Variants in ATF2 observed in about 807,000 individuals in gnomAD.
The protein encoded by ATF2 is activating transcription factor 2, also known as cyclic AMP-dependent transcription factor ATF-2.
Under a neutral mutation model 60.6 loss-of-function variants are expected in ATF2, and 24 were observed. The ratio of observed to expected loss-of-function variants is 0.40; its 90% CI spans 0.29 to 0.56. The LOEUF (loss-of-function observed/expected upper bound fraction) is 0.56. ATF2 is among the 20% of genes least tolerant of loss of function. The probability of loss-of-function intolerance (pLI) is 0.54; values close to 1 mark genes in which losing one functional copy is unlikely to be tolerated. For missense variants in ATF2, 433 were observed against 607.7 expected, an observed-to-expected ratio of 0.71 and a Z score of 3.02; for synonymous variants, 206 against 215.4, an observed-to-expected ratio of 0.96 and a Z score of 0.38.
chr2:175,159,960 TTA>T (rs1699914392), intron 1 of ATF2, among the ~76,000 whole-genome samples: 1 of 152,194 alleles, frequency 6.6e-6, no homozygotes, highest in African/African-American at 2.4e-5. Context: ...CCTGAGAAAC[TTA>T]TTTTTTGTAA....
intron 11 of ATF2, among the ~76,000 whole-genome samples, chr2:175,094,900 A>AC (rs1694820061): frequency 6.6e-6 from 1 of 152,120 alleles, no homozygotes; most frequent in Admixed American, 6.6e-5. Context: ...CCATGATCGC[A>AC]CCACTGTACT....
intron 11 of ATF2, among the ~76,000 whole-genome samples, chr2:175,096,325 T>C (rs1197496201): frequency 6.6e-6 from 1 of 152,176 alleles, no homozygotes; most frequent in African/African-American, 2.4e-5. Context: ...CTAGTATAAA[T>C]AGCTGCCATA....
chr2:175,085,378 T>C (rs1694080650), intron 12 of ATF2, among the ~76,000 whole-genome samples: 1 of 151,888 alleles, frequency 6.6e-6, no homozygotes, highest in Admixed American at 6.6e-5. Flanking sequence ...CTACTAAAAA[T>C]ATAAGAATTA....
Position 175,097,508 on chromosome 2 carries a change from G to A in ATF2, c.914C>T (p.Thr305Ile), listed in dbSNP as rs139861769. 8 of 1,614,044 alleles carry A rather than the reference G, an allele frequency of 5.0e-6. No individual in the cohort carries two copies. In the African/African-American group the frequency reaches 8.0e-5, roughly 16 times the overall value. The change falls in exon 11 of 14, where the codon ACT (threonine) becomes ATT (isoleucine). Residue 305 changes from threonine to isoleucine, a missense_variant. This residue lies in a region of ATF2 where 246 missense variants were observed against 309.3 expected (regional missense o/e 0.80). Coordinates refer to ENST00000264110, the MANE Select transcript of ATF2 (RefSeq NM_001880.4). ...VKGHGSGLVR[T>I]QSEESRPQSL... ...CTGCGGTCGAGATTCCTCTGACTGA[G>A]TCCTAACCAATCCGCTACCATGACC...
At chr2:175,082,764 C>T (rs1279807846) in intron 12 of ATF2, among the ~76,000 whole-genome samples, 1 of 152,188 alleles carries the variant, frequency 6.6e-6, no homozygotes, top group African/African-American at 2.4e-5. Flanking sequence ...TTTGTCTTGA[C>T]TTACAAAAGT....
intron 7 of ATF2, among the ~76,000 whole-genome samples, chr2:175,117,069 T>C (rs1024469700): frequency 2.0e-5 from 3 of 151,998 alleles, no homozygotes; most frequent in Non-Finnish European, 4.4e-5. Context: ...TATTCACTTA[T>C]GTATTTGTAC....
At chr2:175,090,483 T>G (rs947460618) in intron 12 of ATF2, among the ~76,000 whole-genome samples, 2 of 152,100 alleles carry the variant, frequency 1.3e-5, no homozygotes, top group African/African-American at 4.8e-5. Context: ...CAGGTTAATA[T>G]AAATAGATGG....
intron 10 of ATF2, among the ~76,000 whole-genome samples, chr2:175,107,796 T>TAA (rs928165296): frequency 1.8e-4 from 28 of 152,370 alleles, no homozygotes; most frequent in African/African-American, 5.0e-4. Flanking sequence ...CTCCAGCTCC[T>TAA]AACCGCGAGT....
intron 1 of ATF2, among the ~76,000 whole-genome samples, chr2:175,155,799 A>G (rs1699632840): frequency 2.0e-5 from 3 of 152,230 alleles, no homozygotes; most frequent in Non-Finnish European, 2.9e-5. Context: ...TTTAAAACCA[A>G]TGACAGCATC....
intron 11 of ATF2, among the ~76,000 whole-genome samples, 192 bp from the exon 12 acceptor site, chr2:175,093,459 T>A (rs1021119254): frequency 1.3e-5 from 2 of 152,246 alleles, no homozygotes; most frequent in Admixed American, 6.5e-5. Context: ...TTATGAGCTA[T>A]GCTATAACAC....
At chr2:175,123,586 T>C (rs1574424464) in intron 4 of ATF2, among the ~76,000 whole-genome samples, 1 of 152,168 alleles carries the variant, frequency 6.6e-6, no homozygotes, top group Admixed American at 6.6e-5. Flanking sequence ...ATAAATAACA[T>C]TGTGTTCGTA....
At chr2:175,166,811 T>A (rs1311774888) in intron 1 of ATF2, among the ~76,000 whole-genome samples, 15 of 152,192 alleles carry the variant, frequency 9.9e-5, no homozygotes. Context: ...ATTTTAAATG[T>A]ATATCTTAAA....
At chr2:175,116,058 T>C (rs762195063) in intron 7 of ATF2, among the ~76,000 whole-genome samples, 4 of 152,126 alleles carry the variant, frequency 2.6e-5, no homozygotes, top group South Asian at 4.1e-4. Flanking sequence ...GATAGATGCG[T>C]AGACAGGCCC....
intron 12 of ATF2, among the ~76,000 whole-genome samples, chr2:175,088,455 T>A (rs1018769240): frequency 6.6e-6 from 1 of 152,150 alleles, no homozygotes; most frequent in Admixed American, 6.5e-5. Context: ...CTTTTCCACA[T>A]CATTAACTTA....
intron 3 of ATF2, among the ~76,000 whole-genome samples, chr2:175,130,596 T>A: frequency 6.6e-6 from 1 of 152,198 alleles, no homozygotes; most frequent in East Asian, 1.9e-4. Context: ...TCCAGTCCTA[T>A]ATTCTAGTGG....
intron 9 of ATF2, among the ~76,000 whole-genome samples, chr2:175,111,856 T>A (rs2105680138): frequency 6.6e-6 from 1 of 152,352 alleles, no homozygotes; most frequent in South Asian, 2.1e-4. Flanking sequence ...CTGAGACGTG[T>A]GCTTTCCTAA....
intron 2 of ATF2, among the ~76,000 whole-genome samples, chr2:175,148,250 T>C (rs1436912364): frequency 1.3e-5 from 2 of 152,102 alleles, no homozygotes; most frequent in Non-Finnish European, 2.9e-5. Flanking sequence ...ATTTATCTGA[T>C]TGAGTTTCCA....
At chr2:175,149,483 T>C (rs1054362853) in intron 2 of ATF2, among the ~76,000 whole-genome samples, 6 of 152,162 alleles carry the variant, frequency 3.9e-5, no homozygotes, top group African/African-American at 1.4e-4. Flanking sequence ...AATAAAAGTA[T>C]AGAAGATGGG....
At chr2:175,124,639 T>C (rs1281831929) in intron 4 of ATF2, among the ~76,000 whole-genome samples, 1 of 151,832 alleles carries the variant, frequency 6.6e-6, no homozygotes, top group East Asian at 1.9e-4. Context: ...CAGCAGGAAG[T>C]TACACTGATA....
Sources: allele counts gnomAD v4.1 joint callset (sites outside exome capture counted in the v4.1 genomes callset), GRCh38; gene constraint gnomAD v4.1.1; regional missense constraint gnomAD v4.1.1; transcripts MANE v1.5; gene names NCBI Gene and HGNC (gene_info 2026-07-23, HGNC 2026-07-21).